The following SMARCC1 variants were observed in gnomAD, a reference collection of about 807,000 sequenced individuals.
The protein encoded by SMARCC1 is SWI/SNF related BAF chromatin remodeling complex subunit C1, also known as SWI/SNF complex subunit SMARCC1.
In SMARCC1, 43 loss-of-function variants were observed where a neutral mutation model predicts 147.4. That is an observed-to-expected ratio of 0.29 (90% CI 0.23 to 0.38). The LOEUF (loss-of-function observed/expected upper bound fraction) is 0.38, where lower values mean the gene tolerates loss of function less well. Among genes scored for constraint, SMARCC1 ranks in the 10% least tolerant of loss-of-function variants. The pLI, the probability that SMARCC1 is intolerant of heterozygous loss-of-function variation, is 1.00. For synonymous variants in SMARCC1, 495 were observed against 484.4 expected (o/e 1.02, Z -0.29); for missense variants, 1,119 against 1,381.1 (o/e 0.81, Z 3.01).
intron 21 of SMARCC1, among the ~76,000 whole-genome samples, chr3:47,644,950 G>T (rs553128477): frequency 6.6e-6 from 1 of 152,074 alleles, no homozygotes; most frequent in African/African-American, 2.4e-5. Context: ...ACGGCAAGGT[G>T]GGGGGAGTCA....
intron 26 of SMARCC1, among the ~76,000 whole-genome samples, chr3:47,608,630 G>A (rs2032515870): frequency 6.6e-6 from 1 of 152,068 alleles, no homozygotes; most frequent in Non-Finnish European, 1.5e-5. Context: ...AGGATTGCTT[G>A]AGCCCAGAAG....
intron 2 of SMARCC1, 48 bp downstream of exon 2, chr3:47,772,769 T>C: frequency 6.5e-7 from 1 of 1,542,316 alleles, no homozygotes; most frequent in South Asian, 1.2e-5. Context: ...CACCTAAAAG[T>C]ATACAGCAAC....
chr3:47,705,344 C>G (rs11714724), intron 10 of SMARCC1, among the ~76,000 whole-genome samples: 128,395 of 141,802 alleles, frequency 0.91, 59,627 homozygotes, highest in East Asian at 1. Context: ...AAAAAAAAAA[C>G]GAACTATAAA....
intron 21 of SMARCC1, among the ~76,000 whole-genome samples, chr3:47,641,157 T>C (rs894569858): frequency 3.3e-5 from 5 of 152,218 alleles, no homozygotes; most frequent in African/African-American, 7.2e-5. Context: ...CCCTTCAATA[T>C]TGTCATACAG....
At chr3:47,772,543 C>T (rs1296784551) in intron 2 of SMARCC1, among the ~76,000 whole-genome samples, 1 of 152,108 alleles carries the variant, frequency 6.6e-6, no homozygotes, top group African/African-American at 2.4e-5. Context: ...GGAGAAGACT[C>T]GGTACGGCGA....
intron 9 of SMARCC1, among the ~76,000 whole-genome samples, chr3:47,709,412 G>A (rs1046483054): frequency 4.6e-5 from 7 of 151,896 alleles, no homozygotes; most frequent in Admixed American, 1.3e-4. Flanking sequence ...CAGGTCAGGC[G>A]CGGTGGCTCA....
At chr3:47,682,413 G>A (rs2033664627) in intron 14 of SMARCC1, among the ~76,000 whole-genome samples, 1 of 152,050 alleles carries the variant, frequency 6.6e-6, no homozygotes, top group African/African-American at 2.4e-5. Context: ...AGGATAGCCG[G>A]GACTACAGGC....
chr3:47,601,464 A>G (rs1208310790), intron 26 of SMARCC1, among the ~76,000 whole-genome samples: 1 of 152,132 alleles, frequency 6.6e-6, no homozygotes, highest in Non-Finnish European at 1.5e-5. Flanking sequence ...ATCAGGGCCA[A>G]GTGAGGGGAA....
intron 24 of SMARCC1, among the ~76,000 whole-genome samples, chr3:47,632,211 G>C (rs1348736872): frequency 6.6e-6 from 1 of 152,126 alleles, no homozygotes; most frequent in Non-Finnish European, 1.5e-5. Flanking sequence ...AATCAGTAGT[G>C]TATACCAGGC....
chr3:47,704,044 C>T (rs933136672), intron 10 of SMARCC1, among the ~76,000 whole-genome samples: 1 of 152,076 alleles, frequency 6.6e-6, no homozygotes, highest in Non-Finnish European at 1.5e-5. Flanking sequence ...GTGATCCGCC[C>T]GTCTCGGCCT....
chr3:47,624,555 T>C (rs1371795530), intron 24 of SMARCC1, among the ~76,000 whole-genome samples: 2 of 152,152 alleles, frequency 1.3e-5, no homozygotes, highest in East Asian at 1.9e-4. Flanking sequence ...ATTTCCTATA[T>C]AGCAATCTGT....
At chr3:47,736,797 T>C (rs1042826485) in intron 4 of SMARCC1, among the ~76,000 whole-genome samples, 2 of 152,036 alleles carry the variant, frequency 1.3e-5, no homozygotes, top group African/African-American at 4.8e-5. Context: ...ACAAAACATA[T>C]CCAATTGTTT....
intron 18 of SMARCC1, among the ~76,000 whole-genome samples, chr3:47,674,895 T>C (rs1372986953): frequency 1.3e-5 from 2 of 152,192 alleles, no homozygotes; most frequent in African/African-American, 4.8e-5. Flanking sequence ...ATCATTCATT[T>C]TTCTTTTTCT....
At chr3:47,678,798 CAGGGTTGGTAACTGATGG>C (rs1211883399) in intron 15 of SMARCC1, among the ~76,000 whole-genome samples, 1 of 152,224 alleles carries the variant, frequency 6.6e-6, no homozygotes, top group Non-Finnish European at 1.5e-5. Flanking sequence ...GTCCTAGCCA[CAGGGTTGGTAACTGATGG>C]AGCCAGAATT....
intron 2 of SMARCC1, among the ~76,000 whole-genome samples, chr3:47,748,467 G>A (rs181934332): frequency 3.3e-5 from 5 of 152,104 alleles, no homozygotes; most frequent in Admixed American, 1.3e-4. Context: ...CAAGTGATCC[G>A]CCCACCTTGG....
At position 47,678,330 on chromosome 3, in the gene SMARCC1, AT is replaced by A. The variant is rs1255200396; in HGVS notation, c.1458-20del. On this transcript the variant is annotated intron_variant, in intron 15 of 27. Transcript: ENST00000254480. ...CAAGTATCTAAAAAGCAATGGCAAA[AT>A]TCATAAGGTGGACATGTATCCTCTC... is the stretch of plus-strand genomic sequence containing the variant. 1.5e-6 allele frequency: 2 copies of A among 1,317,580 alleles called. No individual in the cohort carries two copies. Among genetic ancestry groups the A allele is most frequent in the Non-Finnish European group, 2.2e-6 (2 of 923,156 alleles). The allele number at this position is 1,317,580 out of a possible 1,614,324, so 81.6% of individuals were successfully genotyped here.
intron 27 of SMARCC1, among the ~76,000 whole-genome samples, chr3:47,589,409 GGTAAAGAC>G (rs1194127613): frequency 6.6e-6 from 1 of 152,098 alleles, no homozygotes; most frequent in Non-Finnish European, 1.5e-5. Flanking sequence ...GTGGTAAATT[GGTAAAGAC>G]CAGTGATACT....
At chr3:47,617,760 A>C (rs2032666399) in intron 25 of SMARCC1, among the ~76,000 whole-genome samples, 1 of 152,220 alleles carries the variant, frequency 6.6e-6, no homozygotes, top group Non-Finnish European at 1.5e-5. Context: ...TGGTAAGAGA[A>C]CAGGTCTCCA....
At chr3:47,681,653 T>A (rs2033645943) in intron 14 of SMARCC1, among the ~76,000 whole-genome samples, 2 of 152,204 alleles carry the variant, frequency 1.3e-5, no homozygotes, top group African/African-American at 4.8e-5. Context: ...GGAATATAAT[T>A]CAAATTATTC....
Sources: allele counts gnomAD v4.1 joint callset (sites outside exome capture counted in the v4.1 genomes callset), GRCh38; gene constraint gnomAD v4.1.1; transcripts MANE v1.5; gene names NCBI Gene and HGNC (gene_info 2026-07-23, HGNC 2026-07-21).